Variants in PLCH1 observed in about 807,000 individuals in gnomAD.
PLCH1 encodes phospholipase C eta 1, also known as 1-phosphatidylinositol 4,5-bisphosphate phosphodiesterase eta-1.
In PLCH1, 60 loss-of-function variants were observed where a neutral mutation model predicts 126.7. The ratio of observed to expected loss-of-function variants is 0.47; its 90% CI spans 0.38 to 0.59. The LOEUF is 0.59. PLCH1 is among the 20% of genes least tolerant of loss of function. PLCH1 has a pLI of 0.00. For missense variants in PLCH1, 1,723 were observed against 2,040.0 expected (o/e 0.84, Z 2.99); for synonymous variants, 719 against 734.9 (o/e 0.98, Z 0.35).
chr3:155,706,172 C>CAAA lies in PLCH1; in HGVS notation c.-40-1911_-40-1909dup, dbSNP rs34725442. On this transcript the variant is annotated intron_variant, in intron 1 of 22. Transcript: ENST00000460012. The stretch of plus-strand genomic sequence containing the variant: ...CTGGTGACAGAACAAGACTCTATCT[C>CAAA]AAAAAAAAAAAAAAAAAAAAAAAAA... Among the ~76,000 whole-genome samples the CAAA allele has an allele frequency of 7.6e-4, 47 of 61,614 alleles. 1 individual carries two copies. The highest frequency in any genetic ancestry group is 2.2e-3 in the African/African-American group (39 of 17,602). 40.4% of individuals were successfully genotyped at this position (61,614 alleles called of 152,430 possible).
intron 3 of PLCH1, among the ~76,000 whole-genome samples, chr3:155,594,782 T>C (rs529586424): frequency 5.3e-5 from 8 of 152,220 alleles, no homozygotes; most frequent in South Asian, 2.1e-4. Context: ...GATATGTCAA[T>C]TGAAGCAAAA....
intron 15 of PLCH1, among the ~76,000 whole-genome samples, chr3:155,497,025 T>C (rs901342779): frequency 1.3e-5 from 2 of 152,214 alleles, no homozygotes; most frequent in Non-Finnish European, 2.9e-5. Context: ...ACAGTTCAAG[T>C]GTTGCAGGAA....
chr3:155,611,484 T>C (rs191805806), intron 2 of PLCH1, among the ~76,000 whole-genome samples: 1 of 152,300 alleles, frequency 6.6e-6, no homozygotes, highest in East Asian at 1.9e-4. Context: ...ATCCTAAATA[T>C]ATATCTTCCT....
chr3:155,485,302 G>C, intron 22 of PLCH1, 54 bp downstream of exon 22: 1 of 1,094,946 alleles, frequency 9.1e-7, no homozygotes, highest in Admixed American at 2.1e-5. Flanking sequence ...GGTAAACAGG[G>C]ACTGACATGC....
intron 21 of PLCH1, among the ~76,000 whole-genome samples, chr3:155,466,612 C>T (rs1712940618): frequency 6.6e-6 from 1 of 152,152 alleles, no homozygotes; most frequent in Non-Finnish European, 1.5e-5. Context: ...TCAACACCAT[C>T]CAGGAAAACA....
downstream of PLCH1, among the ~76,000 whole-genome samples, chr3:155,475,437 C>G (rs1173484384): frequency 1.3e-5 from 2 of 151,440 alleles, no homozygotes. Flanking sequence ...AAACCAAACC[C>G]AAAATTAGTA....
chr3:155,598,644 C>G (rs1733307658), intron 2 of PLCH1, among the ~76,000 whole-genome samples: 1 of 152,160 alleles, frequency 6.6e-6, no homozygotes, highest in South Asian at 2.1e-4. Context: ...GTGAAGAATA[C>G]AGTCTGTTTC....
chr3:155,619,859 A>C (rs1481607396), intron 2 of PLCH1, among the ~76,000 whole-genome samples: 2 of 152,178 alleles, frequency 1.3e-5, no homozygotes, highest in African/African-American at 2.4e-5. Context: ...AAAAAAAAAA[A>C]TCCATCCTAT....
At chr3:155,643,921 A>T (rs1739701763) in intron 2 of PLCH1, among the ~76,000 whole-genome samples, 1 of 152,194 alleles carries the variant, frequency 6.6e-6, no homozygotes, top group Non-Finnish European at 1.5e-5. Flanking sequence ...AATCCCATCC[A>T]ACCAGTGGCA....
intron 2 of PLCH1, among the ~76,000 whole-genome samples, chr3:155,603,663 C>T (rs1367737889): frequency 6.6e-6 from 1 of 152,106 alleles, no homozygotes; most frequent in Non-Finnish European, 1.5e-5. Context: ...ATCTAGCTTC[C>T]ATAAATGTTA....
intron 13 of PLCH1, 135 bp from the exon 14 acceptor site, chr3:155,500,929 A>G (rs1717799639): frequency 8.0e-6 from 5 of 625,294 alleles, no homozygotes; most frequent in Non-Finnish European, 1.1e-5. Context: ...CAAATATTGC[A>G]GCTTGCTTCA....
chr3:155,743,602 T>C (rs1353041039), intron 1 of PLCH1: 2 of 441,388 alleles, frequency 4.5e-6, no homozygotes, highest in Admixed American at 2.7e-5. Context: ...TCTTGAAGCA[T>C]TCTCTGCAGA....
intron 6 of PLCH1, among the ~76,000 whole-genome samples, chr3:155,580,741 G>GA (rs908080761): frequency 7.9e-5 from 12 of 151,312 alleles, no homozygotes; most frequent in African/African-American, 2.4e-4. Flanking sequence ...AACATTTCCA[G>GA]AAAAAAAATA....
At chr3:155,454,496 A>AATAC (rs1453327351) in intron 21 of PLCH1, among the ~76,000 whole-genome samples, 1 of 152,144 alleles carries the variant, frequency 6.6e-6, no homozygotes. Context: ...TAAATAAATA[A>AATAC]ATAAGAAAAA....
At chr3:155,493,822 T>C (rs777720324) in intron 17 of PLCH1, among the ~76,000 whole-genome samples, 18 of 152,310 alleles carry the variant, frequency 1.2e-4, no homozygotes, top group Non-Finnish European at 2.2e-4. Context: ...TTCTGAAAGA[T>C]TGGGCTCAGA....
At chr3:155,511,863 G>A (rs1372876176) in intron 12 of PLCH1, among the ~76,000 whole-genome samples, 2 of 152,076 alleles carry the variant, frequency 1.3e-5, no homozygotes, top group Non-Finnish European at 2.9e-5. Flanking sequence ...GCCTCCTTGA[G>A]TTGTGGTGGG....
intron 21 of PLCH1, among the ~76,000 whole-genome samples, chr3:155,454,941 T>C (rs1712404457): frequency 6.6e-6 from 1 of 152,130 alleles, no homozygotes; most frequent in Admixed American, 6.5e-5. Context: ...TAATAAGATA[T>C]AAAGGAAAAG....
At chr3:155,581,331 C>CA (rs1730634550) in intron 6 of PLCH1, among the ~76,000 whole-genome samples, 1 of 152,162 alleles carries the variant, frequency 6.6e-6, no homozygotes, top group Non-Finnish European at 1.5e-5. Context: ...TATGTCCACA[C>CA]AAAAACCTGT....
At chr3:155,535,639 A>G (rs768089374) in intron 10 of PLCH1, among the ~76,000 whole-genome samples, 12 of 152,180 alleles carry the variant, frequency 7.9e-5, no homozygotes, top group Non-Finnish European at 1.8e-4. Flanking sequence ...CTGCTCAAGA[A>G]GAGTCTGAGC....
Sources: gnomAD v4.1 joint callset for allele counts (sites outside exome capture counted in the v4.1 genomes callset) on GRCh38, gnomAD v4.1.1 for gene constraint, MANE v1.5 for transcripts, NCBI Gene and HGNC (gene_info 2026-07-23, HGNC 2026-07-21) for gene names.